Variants in CAPN7 observed in about 807,000 individuals in gnomAD.
The protein encoded by CAPN7 is calpain 7.
In CAPN7, 72 loss-of-function variants were observed where a neutral mutation model predicts 115.2. That is an observed-to-expected ratio of 0.63 (90% CI 0.52 to 0.76). The LOEUF (loss-of-function observed/expected upper bound fraction) is 0.76, where lower values mean the gene tolerates loss of function less well. Ranked by LOEUF, CAPN7 falls within the 30% of genes least tolerant of loss-of-function variation. The pLI is 0.00. For synonymous variants in CAPN7, 344 were observed against 322.3 expected, an observed-to-expected ratio of 1.07 and a Z score of -0.72; for missense variants, 905 against 971.5, an observed-to-expected ratio of 0.93 and a Z score of 0.91.
chr3:15,250,979 TC>T lies in CAPN7; in HGVS notation c.2255del (p.Pro752LeufsTer7). 6.2e-7 allele frequency: 1 copy of T among 1,613,782 alleles called. No individual in the cohort carries two copies. The highest frequency in any genetic ancestry group is 1.1e-5 in the South Asian group (1 of 91,070). On this transcript the variant is annotated frameshift_variant, in exon 20 of 21. Transcript: ENST00000253693. LOFTEE classifies it high-confidence loss of function. ...TTGTAACAGTTTCTACTCTAGGAGA[TC>T]CTGGTCCCCATGGCTTTCTGAGGAA... ...EVVTVSTLGD[P>X]GPHGFLRKSS...
In CAPN7 at chr3:15,206,314, G is replaced by A. The variant is rs975241199; in HGVS notation, c.-182G>A. 5.7e-6 allele frequency: 3 copies of A among 530,476 alleles called. No homozygotes were observed. Among genetic ancestry groups the A allele is most frequent in the Non-Finnish European group, 9.9e-6 (3 of 302,986 alleles). 32.9% of individuals were successfully genotyped at this position (530,476 alleles called of 1,614,324 possible). A position where few individuals can be genotyped will look rare whatever the true frequency, so the allele number is the denominator to read the frequency against. ...AAGCCGGGTCTGGGCTGAGGGGCGC[G>A]GCTTCGCGGTGGACCCCAGCCCGGC... On this transcript the variant is annotated 5_prime_UTR_variant, in exon 1 of 21. Transcript: ENST00000253693.
chr3:15,215,513 C>T (rs1559386699), intron 2 of CAPN7, among the ~76,000 whole-genome samples: 1 of 152,214 alleles, frequency 6.6e-6, no homozygotes, highest in Non-Finnish European at 1.5e-5. Context: ...CTCCCTCCCC[C>T]TAGCCACCAC....
chr3:15,212,235 T>C (rs778397013), intron 2 of CAPN7, 23 bp downstream of exon 2: 1 of 1,316,548 alleles, frequency 7.6e-7, no homozygotes, highest in Non-Finnish European at 1.1e-6. Flanking sequence ...CTACTAAACT[T>C]GTCACTCTAT....
chr3:15,233,583 C>T (rs142175502), intron 10 of CAPN7, among the ~76,000 whole-genome samples: 260 of 152,234 alleles, frequency 1.7e-3, no homozygotes, highest in Admixed American at 3.0e-3. Context: ...GTGACTGCAT[C>T]GTTGAAGCAG....
chr3:15,218,636 C>G (rs1428834633), intron 4 of CAPN7, 96 bp downstream of exon 4: 32 of 847,538 alleles, frequency 3.8e-5, no homozygotes, highest in Non-Finnish European at 5.9e-5. Context: ...AGTAACAAAC[C>G]TCCATCTTTT....
At chr3:15,230,863 TA>T (rs1001970417) in intron 9 of CAPN7, among the ~76,000 whole-genome samples, 3 of 152,208 alleles carry the variant, frequency 2.0e-5, no homozygotes, top group African/African-American at 7.2e-5. Context: ...TCAGACAAAC[TA>T]AATCTGTTAG....
chr3:15,225,804 T>A (rs1407401926), intron 6 of CAPN7, among the ~76,000 whole-genome samples: 1 of 152,138 alleles, frequency 6.6e-6, no homozygotes, highest in Non-Finnish European at 1.5e-5. Flanking sequence ...GTAGTTAAAT[T>A]GGGAGAAAAA....
chr3:15,239,175 G>A (rs963415524), intron 12 of CAPN7, among the ~76,000 whole-genome samples: 2 of 152,134 alleles, frequency 1.3e-5, no homozygotes, highest in South Asian at 2.1e-4. Flanking sequence ...AGGGAATATA[G>A]CCTAAGAGGA....
At chr3:15,218,616 T>A in intron 4 of CAPN7, 76 bp downstream of exon 4, 1 of 1,040,360 alleles carries the variant, frequency 9.6e-7, no homozygotes, top group South Asian at 1.3e-5. Flanking sequence ...AAATGTGTTG[T>A]AAAGGCTGCA....
chr3:15,244,577 C>T (rs963076913), intron 16 of CAPN7, among the ~76,000 whole-genome samples: 1 of 152,122 alleles, frequency 6.6e-6, no homozygotes, highest in Non-Finnish European at 1.5e-5. Context: ...GTTTGAGATA[C>T]CAAAATACTT....
chr3:15,247,526 T>G, intron 19 of CAPN7, 69 bp downstream of exon 19: 1 of 1,333,632 alleles, frequency 7.5e-7, no homozygotes, highest in Non-Finnish European at 1.0e-6. Flanking sequence ...AACAAAAAAG[T>G]TTAGAAACAG....
intron 19 of CAPN7, among the ~76,000 whole-genome samples, chr3:15,250,112 G>A (rs375116499): frequency 6.6e-6 from 1 of 150,642 alleles, no homozygotes; most frequent in African/African-American, 2.4e-5. Flanking sequence ...GTGGCTCAAG[G>A]CTGTAATCCC....
At chr3:15,250,787 A>G in intron 19 of CAPN7, 144 bp from the exon 20 acceptor site, 1 of 599,990 alleles carries the variant, frequency 1.7e-6, no homozygotes, top group Non-Finnish European at 3.0e-6. Context: ...ATGGTGTGTT[A>G]TGATCAAAAA....
At chr3:15,226,598 T>C (rs1232505892) in intron 6 of CAPN7, among the ~76,000 whole-genome samples, 2 of 152,218 alleles carry the variant, frequency 1.3e-5, no homozygotes, top group East Asian at 3.8e-4. Context: ...TAGCTCACTT[T>C]CTGTTTACAG....
intron 7 of CAPN7, 25 bp from the exon 8 acceptor site, chr3:15,228,949 A>G (rs766853668): frequency 1.3e-6 from 2 of 1,531,594 alleles, no homozygotes; most frequent in Non-Finnish European, 1.8e-6. Context: ...ATGAATATGA[A>G]TATGTTAATT....
In CAPN7 at chr3:15,206,251, C is replaced by G; in HGVS notation, c.-245C>G. The G allele has an allele frequency of 5.3e-6, 2 of 380,890 alleles. No homozygotes were observed. The highest frequency in any genetic ancestry group is 9.5e-6 in the Non-Finnish European group (2 of 210,732). The allele number at this position is 380,890 out of a possible 1,614,324, so 23.6% of individuals were successfully genotyped here. On this transcript the variant is annotated 5_prime_UTR_variant, in exon 1 of 21. Coordinates refer to ENST00000253693, the MANE Select transcript of CAPN7 (RefSeq NM_014296.3). The stretch of plus-strand genomic sequence containing the variant: ...GGGCGGCTGGTGGGCGGGGCGAGGG[C>G]CGCTGGGGCCGCGAAGTGGGGCGGC...
Position 15,238,849 on chromosome 3 carries a change from ATTTTTTT to A in CAPN7, c.1408-1606_1408-1600del, listed in dbSNP as rs59838740. On this transcript the variant is annotated intron_variant, in intron 12 of 20. Transcript: ENST00000253693. Reference sequence around the variant, plus strand: ...AAATTGGATGCTTCAGCAAAATCAAATTTTTTTTTTTTTTTTTTTTTTTTGTTCTCTA... The same window carrying A: ...AAATTGGATGCTTCAGCAAAATCAAATTTTTTTTTTTTTTTTTGTTCTCTA... 9.9e-4 allele frequency among the ~76,000 whole-genome samples: 113 copies of A among 113,998 alleles called. No individual in the cohort carries two copies. The Middle Eastern group carries it at 0.021, about 21-fold the overall frequency. 74.8% of individuals were successfully genotyped at this position (113,998 alleles called of 152,430 possible).
chr3:15,227,972 A>G lies in CAPN7; in HGVS notation c.852+7A>G. On this transcript the variant is annotated splice_region_variant and intron_variant, in intron 7 of 20. Coordinates refer to ENST00000253693, the MANE Select transcript of CAPN7 (RefSeq NM_014296.3). ...CAGTTTTAGCATAAAGCAGGTGAGCATTTATTTTGTATGATTTTATAGAAA... is the reference window on the plus strand; with the variant it reads ...CAGTTTTAGCATAAAGCAGGTGAGCGTTTATTTTGTATGATTTTATAGAAA... The G allele has an allele frequency of 7.0e-7, 1 of 1,425,164 alleles. No individual in the cohort carries two copies. The highest frequency in any genetic ancestry group is 9.2e-7 in the Non-Finnish European group (1 of 1,084,196). 88.3% of individuals were successfully genotyped at this position (1,425,164 alleles called of 1,614,324 possible).
chr3:15,208,571 C>T (rs1383656645), intron 1 of CAPN7, among the ~76,000 whole-genome samples: 1 of 150,430 alleles, frequency 6.6e-6, no homozygotes, highest in Non-Finnish European at 1.5e-5. Context: ...GCTGGAATTA[C>T]AGGCGTGAGC....
Sources: gnomAD v4.1 joint callset for allele counts (sites outside exome capture counted in the v4.1 genomes callset) on GRCh38, gnomAD v4.1.1 for gene constraint, MANE v1.5 for transcripts, NCBI Gene and HGNC (gene_info 2026-07-23, HGNC 2026-07-21) for gene names.